CDH12: variants seen among roughly 807,000 people sequenced by gnomAD.
CDH12 encodes cadherin-12.
A neutral mutation model predicts 74.1 loss-of-function variants in CDH12; 41 were observed. The observed-to-expected ratio is 0.55, with a 90% CI of 0.43 to 0.72. The LOEUF (loss-of-function observed/expected upper bound fraction) is 0.72. Ranked by LOEUF, CDH12 falls within the 30% of genes least tolerant of loss-of-function variation. CDH12 has a pLI of 0.00. For synonymous variants in CDH12, 399 were observed against 355.0 expected (o/e 1.12, Z -1.39); for missense variants, 945 against 977.2 (o/e 0.97, Z 0.44).
At chr5:22,065,825 A>C (rs2150210888) in intron 5 of CDH12, among the ~76,000 whole-genome samples, 1 of 152,300 alleles carries the variant, frequency 6.6e-6, no homozygotes, top group Admixed American at 6.5e-5. Flanking sequence ...TAAGGTTGGC[A>C]TGTTTACCAA....
intron 1 of CDH12, among the ~76,000 whole-genome samples, chr5:22,583,753 C>T (rs1161480840): frequency 6.6e-6 from 1 of 152,120 alleles, no homozygotes; most frequent in African/African-American, 2.4e-5. Flanking sequence ...AACACTCATC[C>T]ATAGTTTCCT....
chr5:22,535,016 A>G (rs934313785), intron 1 of CDH12, among the ~76,000 whole-genome samples: 1 of 146,298 alleles, frequency 6.8e-6, no homozygotes, highest in African/African-American at 2.5e-5. Context: ...TCTGTCACCC[A>G]GGCTGGAGTG....
intron 6 of CDH12, among the ~76,000 whole-genome samples, chr5:21,908,295 G>A (rs758956640): frequency 6.6e-6 from 1 of 152,154 alleles, no homozygotes; most frequent in Non-Finnish European, 1.5e-5. Flanking sequence ...AACTGCAATC[G>A]TGAGGACAAT....
At chr5:22,138,857 TATATATATATA>T (rs1354983785) in intron 4 of CDH12, among the ~76,000 whole-genome samples, 3 of 130,562 alleles carry the variant, frequency 2.3e-5, no homozygotes, top group Non-Finnish European at 4.9e-5. Context: ...TATATATATA[TATATATATATA>T]TATATATACA....
chr5:22,628,943 A>G (rs1738438013), intron 1 of CDH12, among the ~76,000 whole-genome samples: 1 of 151,930 alleles, frequency 6.6e-6, no homozygotes, highest in Non-Finnish European at 1.5e-5. Flanking sequence ...GAAATAAAAA[A>G]AAAAAATCTC....
At chr5:22,423,896 G>T (rs1216127892) in intron 2 of CDH12, among the ~76,000 whole-genome samples, 1 of 150,880 alleles carries the variant, frequency 6.6e-6, no homozygotes, top group Non-Finnish European at 1.5e-5. Flanking sequence ...CCGGCTACTT[G>T]GGTGGCTGAG....
chr5:21,918,984 A>G (rs1754231943), intron 6 of CDH12, among the ~76,000 whole-genome samples: 1 of 152,190 alleles, frequency 6.6e-6, no homozygotes, highest in African/African-American at 2.4e-5. Flanking sequence ...CTTGAAAAGT[A>G]AAATTTTCAA....
chr5:21,800,347 G>T (rs570684698), intron 10 of CDH12, among the ~76,000 whole-genome samples: 109 of 152,148 alleles, frequency 7.2e-4, no homozygotes, highest in African/African-American at 2.5e-3. Context: ...GGGCAGAATT[G>T]GAATCTTATG....
At chr5:22,361,699 C>T (rs944828567) in intron 3 of CDH12, among the ~76,000 whole-genome samples, 2 of 152,072 alleles carry the variant, frequency 1.3e-5, no homozygotes, top group South Asian at 2.1e-4. Flanking sequence ...GCTACAGTAA[C>T]CAAAACAGCA....
At chr5:22,530,395 T>C (rs1737533558) in intron 1 of CDH12, among the ~76,000 whole-genome samples, 1 of 152,162 alleles carries the variant, frequency 6.6e-6, no homozygotes, top group Non-Finnish European at 1.5e-5. Flanking sequence ...TATTTTTGCT[T>C]CAGATGTTTG....
chr5:21,815,424 A>T (rs1747986537), intron 9 of CDH12, among the ~76,000 whole-genome samples: 1 of 152,170 alleles, frequency 6.6e-6, no homozygotes, highest in Non-Finnish European at 1.5e-5. Context: ...TTATGGAAAA[A>T]ATGTGCACAC....
chr5:21,995,035 CG>C, intron 5 of CDH12, among the ~76,000 whole-genome samples: 1 of 152,228 alleles, frequency 6.6e-6, no homozygotes, highest in East Asian at 1.9e-4. Context: ...GTAACACTCA[CG>C]GTGAGGGTCT....
At chr5:22,613,231 A>G (rs1737501536) in intron 1 of CDH12, among the ~76,000 whole-genome samples, 1 of 152,114 alleles carries the variant, frequency 6.6e-6, no homozygotes, top group South Asian at 2.1e-4. Context: ...TTGAAATGTG[A>G]TGACTTCAAA....
chr5:22,331,004 G>A (rs771294106), intron 3 of CDH12, among the ~76,000 whole-genome samples: 11 of 151,966 alleles, frequency 7.2e-5, no homozygotes, highest in African/African-American at 9.7e-5. Flanking sequence ...GAACATCAGC[G>A]GTAGCCTAGC....
intron 6 of CDH12, among the ~76,000 whole-genome samples, chr5:21,858,074 G>A (rs1455579555): frequency 6.6e-6 from 1 of 151,360 alleles, no homozygotes; most frequent in East Asian, 2.0e-4. Flanking sequence ...CCCACCCTTA[G>A]GACTTCATTT....
chr5:22,323,199 C>T lies in CDH12; in HGVS notation c.-333+82058G>A, dbSNP rs1738954416. ...TCTCAAATGTGAAAATATTTTACAACCGGGACAGGTCTATACTCTGTATGT... is the reference window on the plus strand; with the variant it reads ...TCTCAAATGTGAAAATATTTTACAATCGGGACAGGTCTATACTCTGTATGT... On this transcript the variant is annotated intron_variant, in intron 3 of 14. Transcript: ENST00000382254. Among the ~76,000 whole-genome samples, 4 of 152,090 alleles carry T rather than the reference C, an allele frequency of 2.6e-5. No individual in the cohort carries two copies. The South Asian group carries it at 8.3e-4, about 32-fold the overall frequency.
At chr5:22,533,555 G>A (rs1457029954) in intron 1 of CDH12, among the ~76,000 whole-genome samples, 2 of 152,122 alleles carry the variant, frequency 1.3e-5, no homozygotes, top group African/African-American at 4.8e-5. Context: ...GTAAGGTTTT[G>A]GCCATGCTTC....
intron 1 of CDH12, among the ~76,000 whole-genome samples, chr5:22,802,163 C>G (rs1748564031): frequency 6.7e-6 from 1 of 150,048 alleles, no homozygotes; most frequent in South Asian, 2.1e-4. Context: ...CCTCTGTCGC[C>G]CAGGCTGGAG....
intron 6 of CDH12, among the ~76,000 whole-genome samples, chr5:21,939,150 C>A (rs2431887): frequency 1.3e-5 from 2 of 150,862 alleles, no homozygotes; most frequent in Non-Finnish European, 3.0e-5. Flanking sequence ...AAGCATTGTA[C>A]AAATAATATG....
Sources: allele counts gnomAD v4.1 joint callset (sites outside exome capture counted in the v4.1 genomes callset), GRCh38; gene constraint gnomAD v4.1.1; transcripts MANE v1.5; gene names NCBI Gene and HGNC (gene_info 2026-07-23, HGNC 2026-07-21).